SV2B: variants seen among roughly 807,000 people sequenced by gnomAD.
SV2B encodes synaptic vesicle glycoprotein 2B.
In SV2B, 41 loss-of-function variants were observed where a neutral mutation model predicts 73.9. That is an observed-to-expected ratio of 0.56 (90% CI 0.43 to 0.72). The LOEUF is 0.72. Among genes scored for constraint, SV2B ranks in the 30% least tolerant of loss-of-function variants. The pLI is 0.00. For missense variants in SV2B, 764 were observed against 857.8 expected (o/e 0.89, Z 1.37); for synonymous variants, 314 against 314.2 (o/e 1.00, Z 0.01).
intron 1 of SV2B, among the ~76,000 whole-genome samples, chr15:91,159,772 A>C (rs1397344896): frequency 6.6e-6 from 1 of 152,234 alleles, no homozygotes; most frequent in East Asian, 1.9e-4. Flanking sequence ...AAATAATTTA[A>C]AGCTGATTTA....
At chr15:91,158,312 T>C (rs1399280786) in intron 1 of SV2B, among the ~76,000 whole-genome samples, 2 of 152,176 alleles carry the variant, frequency 1.3e-5, no homozygotes, top group Non-Finnish European at 2.9e-5. Flanking sequence ...GCAAGTTACT[T>C]AACTCTTGTC....
rs888002352 is a variant in SV2B, at chr15:91,141,189, T to C, written c.-392+40826T>C. On this transcript the variant is annotated intron_variant, in intron 1 of 12. Transcript: ENST00000394232. This position sits in a 1 kb window ranked among gnomAD's most constrained non-coding sequence, Gnocchi z 4.6. ...CAGGATTTTCTTCGGTAGGTCTGCA[T>C]TGAGGCCTGAGAAACTCCAATTTTG... is the stretch of plus-strand genomic sequence containing the variant. 2.0e-5 allele frequency among the ~76,000 whole-genome samples: 3 copies of C among 152,194 alleles called. No homozygotes were observed. The highest frequency in any genetic ancestry group is 4.8e-5 in the African/African-American group (2 of 41,430).
intron 1 of SV2B, among the ~76,000 whole-genome samples, chr15:91,101,157 G>T (rs985431377): frequency 1.3e-5 from 2 of 152,276 alleles, no homozygotes; most frequent in Non-Finnish European, 2.9e-5. Flanking sequence ...GGTGGGGTGG[G>T]ACGCTGGGGG....
At chr15:91,142,767 T>C (rs751987420) in intron 1 of SV2B, among the ~76,000 whole-genome samples, 1 of 152,250 alleles carries the variant, frequency 6.6e-6, no homozygotes, top group African/African-American at 2.4e-5. Flanking sequence ...TAAAAACCTA[T>C]ATTCTTTGCA....
chr15:91,206,741 C>A (rs543312892), intron 1 of SV2B, among the ~76,000 whole-genome samples: 2 of 152,092 alleles, frequency 1.3e-5, no homozygotes, highest in Non-Finnish European at 2.9e-5. Context: ...AAATGTTCGA[C>A]CTAGTACCTG....
chr15:91,193,054 CA>C (rs1422599258), intron 1 of SV2B, among the ~76,000 whole-genome samples: 3 of 152,146 alleles, frequency 2.0e-5, no homozygotes, highest in African/African-American at 7.2e-5. Context: ...TCTGTTAATC[CA>C]CAGTGGTCCC....
Position 91,259,769 on chromosome 15 carries a change from C to A in SV2B, c.919-551C>A, listed in dbSNP as rs2047840019. Among the ~76,000 whole-genome samples, 3 of 152,148 alleles carry A rather than the reference C, an allele frequency of 2.0e-5. No individual in the cohort carries two copies. In the South Asian group the frequency reaches 6.2e-4, roughly 31 times the overall value. ...TCGTCACATGGTGTCCTCCCTGATG[C>A]CTCTGTGTCTCCATATGGAGGTCTT... On this transcript the variant is annotated intron_variant, in intron 5 of 12. Coordinates refer to ENST00000394232, the MANE Select transcript of SV2B (RefSeq NM_001323032.3).
chr15:91,107,593 G>A (rs924141146), intron 1 of SV2B, among the ~76,000 whole-genome samples: 2 of 151,674 alleles, frequency 1.3e-5, no homozygotes, highest in Non-Finnish European at 2.9e-5. Context: ...TTACAGGCGT[G>A]AGCCACCGTG....
Position 91,220,747 on chromosome 15 carries a change from A to G in SV2B, c.-391-5126A>G, listed in dbSNP as rs2046185786. Among the ~76,000 whole-genome samples, 2 of 152,236 alleles carry G rather than the reference A, an allele frequency of 1.3e-5. No individual in the cohort carries two copies. Among genetic ancestry groups the G allele is most frequent in the African/African-American group, 4.8e-5 (2 of 41,468 alleles). ...TATGTGGTTTCCTAGCCCAGCCCTG[A>G]TGGGCCCCAAATCTCATGGGGCATG... On this transcript the variant is annotated intron_variant, in intron 1 of 12. Coordinates refer to ENST00000394232, the MANE Select transcript of SV2B (RefSeq NM_001323032.3). The surrounding 1 kb of genome is among the most constrained non-coding windows in gnomAD (Gnocchi z 4.1).
intron 1 of SV2B, among the ~76,000 whole-genome samples, chr15:91,164,201 T>A (rs2043828887): frequency 1.3e-5 from 2 of 152,130 alleles, no homozygotes; most frequent in Non-Finnish European, 1.5e-5. Flanking sequence ...TTCAATGCCA[T>A]CCCCATCAAG....
chr15:91,125,509 C>T lies in SV2B; in HGVS notation c.-392+25146C>T, dbSNP rs557980397. On this transcript the variant is annotated intron_variant, in intron 1 of 12. Transcript: ENST00000394232. ...ACATTTGGCCAGGCGCAGTGGCTCA[C>T]GCCTGTAATCCAAGCACTTTGGGAG... is the stretch of plus-strand genomic sequence containing the variant. Among the ~76,000 whole-genome samples the T allele has an allele frequency of 5.3e-5, 8 of 152,064 alleles. No individual in the cohort carries two copies. In the South Asian group the frequency reaches 6.2e-4, roughly 12 times the overall value.
intron 1 of SV2B, among the ~76,000 whole-genome samples, chr15:91,216,879 T>A (rs1431632414): frequency 6.7e-6 from 1 of 149,444 alleles, no homozygotes; most frequent in Non-Finnish European, 1.5e-5. Flanking sequence ...AGGCACTGAA[T>A]AACTACCTTT....
intron 1 of SV2B, among the ~76,000 whole-genome samples, chr15:91,184,687 G>A (rs4502199): frequency 0.31 from 47,641 of 151,866 alleles, 8,292 homozygotes; most frequent in East Asian, 0.71. Flanking sequence ...CTTCTCTGTT[G>A]CTTCAAAGCC....
intron 10 of SV2B, among the ~76,000 whole-genome samples, chr15:91,282,759 G>C (rs1420320292): frequency 6.6e-6 from 1 of 152,166 alleles, no homozygotes; most frequent in East Asian, 1.9e-4. Context: ...GTTTATATAA[G>C]AACATCTTTT....
intron 1 of SV2B, among the ~76,000 whole-genome samples, chr15:91,155,071 C>T (rs1309813020): frequency 1.3e-5 from 2 of 152,146 alleles, no homozygotes; most frequent in African/African-American, 2.4e-5. Context: ...CAAAGTACCG[C>T]TTCTGGCCCC....
At position 91,276,272 on chromosome 15, in the gene SV2B, G is replaced by A. The variant is rs541458974; in HGVS notation, c.1374-5456G>A. 4.8e-4 allele frequency among the ~76,000 whole-genome samples: 72 copies of A among 151,420 alleles called. 1 individual carries two copies. Among genetic ancestry groups the A allele is most frequent in the African/African-American group, 7.5e-4 (31 of 41,236 alleles). On this transcript the variant is annotated intron_variant, in intron 9 of 12. Coordinates refer to ENST00000394232, the MANE Select transcript of SV2B (RefSeq NM_001323032.3). Reference sequence around the variant, plus strand: ...TGAATATCATGTGCTTAGGTGTACCGCCACCTCCTCATCTTCCTTCTCCTC... The same window carrying A: ...TGAATATCATGTGCTTAGGTGTACCACCACCTCCTCATCTTCCTTCTCCTC...
intron 1 of SV2B, among the ~76,000 whole-genome samples, chr15:91,171,515 C>T (rs931374677): frequency 4.6e-5 from 7 of 152,140 alleles, no homozygotes; most frequent in African/African-American, 1.7e-4. Context: ...CAGTGGACGT[C>T]ACTTTATGCT....
intron 1 of SV2B, among the ~76,000 whole-genome samples, chr15:91,102,485 G>A (rs190898516): frequency 3.9e-5 from 6 of 152,004 alleles, no homozygotes; most frequent in Admixed American, 3.9e-4. Context: ...GCACAAAGTA[G>A]GTGCTCAAGA....
Position 91,141,624 on chromosome 15 carries a change from T to C in SV2B, c.-392+41261T>C, listed in dbSNP as rs1000788358. Among the ~76,000 whole-genome samples, 2 of 152,184 alleles carry C rather than the reference T, an allele frequency of 1.3e-5. No individual in the cohort carries two copies. Among genetic ancestry groups the C allele is most frequent in the African/African-American group, 4.8e-5 (2 of 41,444 alleles). On this transcript the variant is annotated intron_variant, in intron 1 of 12. Transcript: ENST00000394232. This position sits in a 1 kb window ranked among gnomAD's most constrained non-coding sequence, Gnocchi z 4.6. ...CTTGTGAAGATTAAATGACAGAATA[T>C]AAGTAAAATGCTTAGCCTATTGCCT...
Sources: allele counts gnomAD v4.1 joint callset (sites outside exome capture counted in the v4.1 genomes callset), GRCh38; gene constraint gnomAD v4.1.1; non-coding constraint Gnocchi (gnomAD v3.1); transcripts MANE v1.5; gene names NCBI Gene and HGNC (gene_info 2026-07-23, HGNC 2026-07-21).